Variants in FHOD1 observed in about 807,000 individuals in gnomAD.
FHOD1 encodes the protein formin homology 2 domain containing 1.
In FHOD1, 89 loss-of-function variants were observed where a neutral mutation model predicts 111.6. The observed-to-expected ratio is 0.80, with a 90% CI of 0.67 to 0.95. The LOEUF (loss-of-function observed/expected upper bound fraction) is 0.95, where lower values mean the gene tolerates loss of function less well. Ranked by LOEUF, FHOD1 falls within the 40% of genes least tolerant of loss-of-function variation. The probability of loss-of-function intolerance (pLI) is 0.00; values close to 1 mark genes in which losing one functional copy is unlikely to be tolerated. For missense variants in FHOD1, 1,446 were observed against 1,554.2 expected (o/e 0.93, Z 1.17); for synonymous variants, 618 against 639.0 (o/e 0.97, Z 0.50).
chr16:67,246,318 G>C (rs1342213001), intron 1 of FHOD1, among the ~76,000 whole-genome samples: 1 of 152,226 alleles, frequency 6.6e-6, no homozygotes, highest in Non-Finnish European at 1.5e-5. Flanking sequence ...GGCTGGTGGG[G>C]AGCTTGTGGA....
At position 67,238,718 on chromosome 16, in the gene FHOD1, A is replaced by G. The variant is rs1162296667; in HGVS notation, c.373+185T>C. ...AGGCATGAGCTACCACGCCTGGTCT[A>G]TTCTAACATTCTTGAATCCCCCTCC... is the stretch of plus-strand genomic sequence containing the variant. On this transcript the variant is annotated intron_variant, in intron 3 of 21. Coordinates refer to ENST00000258201, the MANE Select transcript of FHOD1 (RefSeq NM_013241.3). This position sits in a 1 kb window ranked among gnomAD's most constrained non-coding sequence, Gnocchi z 4.2. 3 of 677,754 alleles carry G rather than the reference A, an allele frequency of 4.4e-6. No homozygotes were observed. Among genetic ancestry groups the G allele is most frequent in the Non-Finnish European group, 7.9e-6 (3 of 382,046 alleles). The allele number at this position is 677,754 out of a possible 1,614,324, so 42.0% of individuals were successfully genotyped here. A position where few individuals can be genotyped will look rare whatever the true frequency, so the allele number is the denominator to read the frequency against.
intron 1 of FHOD1, among the ~76,000 whole-genome samples, chr16:67,245,840 T>G (rs1362896828): frequency 6.6e-6 from 1 of 152,102 alleles, no homozygotes; most frequent in Non-Finnish European, 1.5e-5. Flanking sequence ...TGCCCCACCC[T>G]TATTTCAGGA....
At position 67,231,632 on chromosome 16, in the gene FHOD1, G is replaced by A; in HGVS notation, c.2385+5C>T. ...ACTGACTGTCCCACTCCAAGACCCA[G>A]GTACCCGCTCCATGCTGTCATAGTC... is the stretch of plus-strand genomic sequence containing the variant. On this transcript the variant is annotated splice_donor_5th_base_variant and intron_variant, in intron 15 of 21. Coordinates refer to ENST00000258201, the MANE Select transcript of FHOD1 (RefSeq NM_013241.3). This position sits in a 1 kb window ranked among gnomAD's most constrained non-coding sequence, Gnocchi z 4.3. 2.5e-6 allele frequency: 4 copies of A among 1,614,128 alleles called. No homozygotes were observed. The highest frequency in any genetic ancestry group is 3.4e-6 in the Non-Finnish European group (4 of 1,179,994).
rs751798970 is a variant in FHOD1, at chr16:67,247,436, C to A, written c.-26G>T. The A allele has an allele frequency of 6.2e-7, 1 of 1,608,974 alleles. No individual in the cohort carries two copies. The highest frequency in any genetic ancestry group is 2.2e-5 in the East Asian group (1 of 44,694). On this transcript the variant is annotated 5_prime_UTR_variant, in exon 1 of 22. Coordinates refer to ENST00000258201, the MANE Select transcript of FHOD1 (RefSeq NM_013241.3). ...GGCTCTGCGGCCGGCTCACGCAGCG[C>A]GCCTCCGAGTCCCGGCCCCAGTGCA...
intron 1 of FHOD1, chr16:67,246,905 C>T (rs2034864608): frequency 2.5e-6 from 1 of 399,952 alleles, no homozygotes; most frequent in African/African-American, 2.1e-5. Flanking sequence ...TACCGTCACT[C>T]TGACCAGGGA....
At chr16:67,235,600 G>A (rs1032967648) in intron 11 of FHOD1, among the ~76,000 whole-genome samples, 2 of 151,718 alleles carry the variant, frequency 1.3e-5, no homozygotes, top group Non-Finnish European at 1.5e-5. Context: ...GAAATAATGG[G>A]TGCAATCCAG....
chr16:67,241,215 G>A (rs1384353413), intron 1 of FHOD1, among the ~76,000 whole-genome samples: 3 of 145,938 alleles, frequency 2.1e-5, no homozygotes, highest in Non-Finnish European at 4.5e-5. Context: ...CCCTCCCCAG[G>A]GTGCCTTGGG....
At chr16:67,243,505 T>C (rs2034724818) in intron 1 of FHOD1, among the ~76,000 whole-genome samples, 1 of 152,148 alleles carries the variant, frequency 6.6e-6, no homozygotes, top group Non-Finnish European at 1.5e-5. Flanking sequence ...TGAGCCACCA[T>C]GCCCAGCCTG....
chr16:67,234,295 C>T, intron 12 of FHOD1, 28 bp from the exon 13 acceptor site: 1 of 1,593,708 alleles, frequency 6.3e-7, no homozygotes. Flanking sequence ...GCTGTCAGTG[C>T]CATGCCCCCT....
intron 13 of FHOD1, among the ~76,000 whole-genome samples, chr16:67,232,722 G>A (rs1244074620): frequency 6.6e-6 from 1 of 152,106 alleles, no homozygotes; most frequent in African/African-American, 2.4e-5. Context: ...GTGCAGTGGT[G>A]CCATCATCGC....
In FHOD1 at chr16:67,238,152, G is replaced by A. The variant is rs767600828; in HGVS notation, c.548-24C>T. The A allele has an allele frequency of 1.1e-5, 17 of 1,613,922 alleles. No individual in the cohort carries two copies. In the African/African-American group the frequency reaches 2.3e-4, roughly 22 times the overall value. ...CGCTGGGGAAACAGGGATGGGCAGA[G>A]TCAGCGAGGGTCGCTGGAGCAGAGG... On this transcript the variant is annotated intron_variant, in intron 5 of 21. Transcript: ENST00000258201. The surrounding 1 kb of genome is among the most constrained non-coding windows in gnomAD (Gnocchi z 4.2).
rs1408178751 is a variant in FHOD1 at position 67,237,623 on chromosome 16, T to G, written c.754+34A>C. On this transcript the variant is annotated intron_variant, in intron 7 of 21. Coordinates refer to ENST00000258201, the MANE Select transcript of FHOD1 (RefSeq NM_013241.3). This position sits in a 1 kb window ranked among gnomAD's most constrained non-coding sequence, Gnocchi z 5.6. ...GGGGAACAGGTAGGAGAGAGGGCTC[T>G]GAGCGGTGGGGGGAGAAAGGGACAG... The G allele has an allele frequency of 1.2e-6, 2 of 1,613,280 alleles. No individual in the cohort carries two copies. Among genetic ancestry groups the G allele is most frequent in the East Asian group, 2.2e-5 (1 of 44,882 alleles).
intron 1 of FHOD1, among the ~76,000 whole-genome samples, chr16:67,241,863 C>T (rs1431110177): frequency 6.6e-6 from 1 of 152,244 alleles, no homozygotes; most frequent in East Asian, 1.9e-4. Flanking sequence ...GCCCACCACG[C>T]TGTCCTGCCT....
At position 67,233,858 on chromosome 16, in the gene FHOD1, A is replaced by G. The variant is rs2034370253; in HGVS notation, c.1845T>C (p.Pro615=). Residue 615 remains proline, a synonymous_variant, in exon 13 of 22, where the codon CCT becomes CCC. Transcript: ENST00000258201. ...TCTTAGTGGGGAGGGCTGAGCTGTC[A>G]GGCACTGAATGGGGAAGAGGGGCAG... The part of the protein sequence containing the change: ...PLAAPLPHSV[P]DSSALPTKRK... The G allele has an allele frequency of 1.3e-6, 2 of 1,573,592 alleles. No individual in the cohort carries two copies. The highest frequency in any genetic ancestry group is 1.7e-6 in the Non-Finnish European group (2 of 1,156,190).
intron 1 of FHOD1, among the ~76,000 whole-genome samples, chr16:67,242,238 G>A (rs547944668): frequency 6.6e-6 from 1 of 152,286 alleles, no homozygotes; most frequent in African/African-American, 2.4e-5. Context: ...CAAAGTGCTG[G>A]GATTGTAGGT....
chr16:67,231,087 T>C lies in FHOD1; in HGVS notation c.2667+101A>G. 6.7e-7 allele frequency: 1 copy of C among 1,487,072 alleles called. No individual in the cohort carries two copies. Among genetic ancestry groups the C allele is most frequent in the South Asian group, 1.3e-5 (1 of 77,962 alleles). The allele number at this position is 1,487,072 out of a possible 1,614,324, so 92.1% of individuals were successfully genotyped here. On this transcript the variant is annotated intron_variant, in intron 17 of 21. Transcript: ENST00000258201. This position sits in a 1 kb window ranked among gnomAD's most constrained non-coding sequence, Gnocchi z 4.3. The stretch of plus-strand genomic sequence containing the variant: ...ACACCCAGGTGGCTGGAGCAAGCCC[T>C]GGCACAGCAGCCCAAATGGGGAGAA...
chr16:67,239,901 A>G (rs560173826), intron 1 of FHOD1, among the ~76,000 whole-genome samples: 3 of 152,276 alleles, frequency 2.0e-5, no homozygotes, highest in African/African-American at 4.8e-5. Flanking sequence ...GGACTTGTTG[A>G]GCTAATAAAC....
chr16:67,233,393 T>C (rs1337224644), intron 13 of FHOD1, among the ~76,000 whole-genome samples: 4 of 151,926 alleles, frequency 2.6e-5, no homozygotes, highest in African/African-American at 9.7e-5. Flanking sequence ...GACCAACTTT[T>C]AGTAGAGATA....
chr16:67,231,645 T>C lies in FHOD1; in HGVS notation c.2377A>G (p.Met793Val), dbSNP rs1192489419. The C allele has an allele frequency of 2.5e-5, 41 of 1,614,130 alleles. No individual in the cohort carries two copies. The highest frequency in any genetic ancestry group is 5.5e-5 in the South Asian group (5 of 91,086). ...CTCCAAGACCCAGGTACCCGCTCCATGCTGTCATAGTCCAGCTTGAAGGCC... is the reference window on the plus strand; with the variant it reads ...CTCCAAGACCCAGGTACCCGCTCCACGCTGTCATAGTCCAGCTTGAAGGCC... ...LWAFKLDYDS[M>V]EREIAEPLFD... The change falls in exon 15 of 22, where the codon ATG (methionine) becomes GTG (valine). Residue 793 changes from methionine to valine, a missense_variant. This residue lies in a region of FHOD1 where 1,085 missense variants were observed against 1,108.8 expected (regional missense o/e 0.98). Transcript: ENST00000258201. The surrounding 1 kb of genome is among the most constrained non-coding windows in gnomAD (Gnocchi z 4.3).
Sources: gnomAD v4.1 joint callset for allele counts (sites outside exome capture counted in the v4.1 genomes callset) on GRCh38, gnomAD v4.1.1 for gene constraint, gnomAD v4.1.1 regional missense constraint, Gnocchi (gnomAD v3.1) non-coding constraint, MANE v1.5 for transcripts, NCBI Gene and HGNC (gene_info 2026-07-23, HGNC 2026-07-21) for gene names.